CEACAM5: variants seen among roughly 807,000 people sequenced by gnomAD.
CEACAM5 encodes the protein cell adhesion molecule CEACAM5.
A neutral mutation model predicts 63.0 loss-of-function variants in CEACAM5; 52 were observed. The observed-to-expected ratio is 0.83, with a 90% confidence interval of 0.66 to 1.04. CEACAM5 has a LOEUF of 1.04. Ranked by LOEUF, CEACAM5 falls within the 50% of genes least tolerant of loss-of-function variation. The pLI is 0.00. For missense variants in CEACAM5, 790 were observed against 864.8 expected, an observed-to-expected ratio of 0.91 and a Z score of 1.08; for synonymous variants, 357 against 351.3, an observed-to-expected ratio of 1.02 and a Z score of -0.18.
Position 41,721,031 on chromosome 19 carries a change from G to A in CEACAM5, c.1881G>A (p.Trp627Ter). The A allele has an allele frequency of 1.2e-6, 2 of 1,614,086 alleles. No individual in the cohort carries two copies. Among genetic ancestry groups the A allele is most frequent in the South Asian group, 1.1e-5 (1 of 91,076 alleles). Residue 627 changes from tryptophan (W) to a stop codon, truncating the protein, a stop_gained, in exon 8 of 10, where the codon TGG (tryptophan) becomes TGA (stop). Transcript: ENST00000221992. LOFTEE classifies it high-confidence loss of function. Reference protein sequence around the residue: ...SASNPSPQYSWRINGIPQQHT... With the variant: ...SASNPSPQYS Reference sequence around the variant, plus strand: ...CTAACCCATCCCCGCAGTATTCTTGGCGTATCAATGGGATACCGCAGCAAC... The same window carrying A: ...CTAACCCATCCCCGCAGTATTCTTGACGTATCAATGGGATACCGCAGCAAC...
chr19:41,717,853 G>A (rs1317384510), intron 5 of CEACAM5, 120 bp downstream of exon 5: 3 of 1,323,208 alleles, frequency 2.3e-6, no homozygotes, highest in Non-Finnish European at 3.2e-6. Flanking sequence ...GGACATCCAG[G>A]CTGGCCCTAC....
chr19:41,717,774 C>A (rs1157492639), intron 5 of CEACAM5, 41 bp downstream of exon 5: 3 of 1,603,176 alleles, frequency 1.9e-6, no homozygotes, highest in Non-Finnish European at 2.6e-6. Flanking sequence ...GCTGCCAGCC[C>A]AAATCCACAT....
At chr19:41,725,621 CT>C (rs1328445496) in intron 8 of CEACAM5, among the ~76,000 whole-genome samples, 1 of 152,126 alleles carries the variant, frequency 6.6e-6, no homozygotes, top group Non-Finnish European at 1.5e-5. Flanking sequence ...AATCCTCTTG[CT>C]TGAGTCTCCC....
At chr19:41,714,945 C>A (rs2072495126) in intron 2 of CEACAM5, 26 bp from the exon 3 acceptor site, 1 of 1,613,686 alleles carries the variant, frequency 6.2e-7, no homozygotes, top group Admixed American at 1.7e-5. Context: ...CCACACAGGG[C>A]AATCTTCTCT....
In CEACAM5 at chr19:41,720,997, A is replaced by C. The variant is rs782290971; in HGVS notation, c.1847A>C (p.His616Pro). The change falls in exon 8 of 10, where the codon CAC (histidine) becomes CCC (proline). Residue 616 changes from histidine (H) to proline (P), a missense_variant. Physicochemically the swap from His to Pro is moderately conservative, Grantham distance 77. Transcript: ENST00000221992. The stretch of plus-strand genomic sequence containing the variant: ...GGAGCGAACCTCAACCTCTCCTGCC[A>C]CTCGGCCTCTAACCCATCCCCGCAG... ...LSGANLNLSCHSASNPSPQYS... is the reference protein window; with the variant it reads ...LSGANLNLSCPSASNPSPQYS... The C allele has an allele frequency of 6.2e-7, 1 of 1,613,588 alleles. No homozygotes were observed. The highest frequency in any genetic ancestry group is 8.5e-7 in the Non-Finnish European group (1 of 1,179,914).
At chr19:41,718,424 G>A (rs2072564064) in intron 6 of CEACAM5, 42 bp downstream of exon 6, 2 of 1,597,912 alleles carry the variant, frequency 1.3e-6, no homozygotes, top group Admixed American at 1.7e-5. Flanking sequence ...TTCTGGAGCG[G>A]AATCTGTCTG....
intron 9 of CEACAM5, among the ~76,000 whole-genome samples, chr19:41,727,876 T>G (rs896860581): frequency 3.3e-5 from 5 of 151,946 alleles, no homozygotes; most frequent in Non-Finnish European, 5.9e-5. Context: ...TATAATTCCA[T>G]CATCCTAATA....
chr19:41,715,624 CT>C, intron 3 of CEACAM5, 25 bp from the exon 4 acceptor site: 1 of 1,613,408 alleles, frequency 6.2e-7, no homozygotes, highest in Non-Finnish European at 8.5e-7. Context: ...ACAATATCAC[CT>C]GTGGCTTTAT....
chr19:41,720,798 C>G, intron 7 of CEACAM5, 124 bp from the exon 8 acceptor site: 1 of 1,312,290 alleles, frequency 7.6e-7, no homozygotes, highest in Middle Eastern at 2.8e-4. Context: ...CCGCACCCGG[C>G]CGATTTGGAC....
intron 2 of CEACAM5, among the ~76,000 whole-genome samples, chr19:41,711,721 C>T (rs1328029612): frequency 1.3e-5 from 2 of 152,164 alleles, no homozygotes; most frequent in Non-Finnish European, 2.9e-5. Context: ...TTCTGACTTT[C>T]TTCTATTCCT....
intron 8 of CEACAM5, among the ~76,000 whole-genome samples, chr19:41,722,219 C>T (rs2072632288): frequency 6.6e-6 from 1 of 151,682 alleles, no homozygotes; most frequent in South Asian, 2.1e-4. Context: ...AAAAAAATAG[C>T]TAGGCATGGT....
At chr19:41,712,380 C>G (rs2072450184) in intron 2 of CEACAM5, among the ~76,000 whole-genome samples, 1 of 152,214 alleles carries the variant, frequency 6.6e-6, no homozygotes, top group Admixed American at 6.5e-5. Flanking sequence ...TAGACTCTAC[C>G]CAGTTACAAA....
chr19:41,723,417 T>A (rs2072655385), intron 8 of CEACAM5, among the ~76,000 whole-genome samples: 1 of 152,198 alleles, frequency 6.6e-6, no homozygotes, highest in Non-Finnish European at 1.5e-5. Flanking sequence ...GTGTTAGTGA[T>A]GTTGAGCATA....
chr19:41,710,530 G>A (rs1459539023), intron 2 of CEACAM5, among the ~76,000 whole-genome samples: 1 of 152,194 alleles, frequency 6.6e-6, no homozygotes, highest in Non-Finnish European at 1.5e-5. Flanking sequence ...GGCTCCTGGA[G>A]CTGGATTCTG....
chr19:41,718,042 G>C, intron 5 of CEACAM5, 86 bp from the exon 6 acceptor site: 1 of 1,520,390 alleles, frequency 6.6e-7, no homozygotes, highest in African/African-American at 1.4e-5. Flanking sequence ...ACTTGGCTCA[G>C]GGGGACACTG....
Position 41,730,191 on chromosome 19 carries a change from C to G in CEACAM5, c.*1044C>G, listed in dbSNP as rs1401895405. Among the ~76,000 whole-genome samples the G allele has an allele frequency of 6.6e-6, 1 of 152,136 alleles. No individual in the cohort carries two copies. The highest frequency in any genetic ancestry group is 1.5e-5 in the Non-Finnish European group (1 of 68,024). On this transcript the variant is annotated 3_prime_UTR_variant, in exon 10 of 10. Coordinates refer to ENST00000221992, the MANE Select transcript of CEACAM5 (RefSeq NM_004363.6). ...ATCCCAGCACTTTGATCCGCCGAGG[C>G]GGGCGGATCACGAGGTCAGGAGATC...
chr19:41,725,675 T>A (rs1476162809), intron 8 of CEACAM5, among the ~76,000 whole-genome samples: 1 of 152,214 alleles, frequency 6.6e-6, no homozygotes, highest in Non-Finnish European at 1.5e-5. Context: ...ACCTCCATTT[T>A]CATTTCTGAT....
At position 41,715,821 on chromosome 19, in the gene CEACAM5, A is replaced by G. The variant is rs781788150; in HGVS notation, c.875A>G (p.Asn292Ser). The part of the protein sequence containing the change: ...QELFIPNITV[N>S]NSGSYTCQAH... Reference sequence around the variant, plus strand: ...CTCTTTATCCCCAACATCACTGTGAATAATAGTGGATCCTATACGTGCCAA... The same window carrying G: ...CTCTTTATCCCCAACATCACTGTGAGTAATAGTGGATCCTATACGTGCCAA... Residue 292 changes from asparagine to serine, a missense_variant, in exon 4 of 10, where the codon AAT (asparagine) becomes AGT (serine). Asn to Ser is a conservative substitution (Grantham distance 46). Transcript: ENST00000221992. 1.9e-6 allele frequency: 3 copies of G among 1,614,188 alleles called. No homozygotes were observed. The highest frequency in any genetic ancestry group is 1.7e-6 in the Non-Finnish European group (2 of 1,180,006).
In CEACAM5 at chr19:41,718,515, A is replaced by G. The variant is rs2072565398; in HGVS notation, c.1492+133A>G. 2.9e-5 allele frequency: 26 copies of G among 882,064 alleles called. No individual in the cohort carries two copies. The South Asian group carries it at 4.1e-4, about 14-fold the overall frequency. The allele number at this position is 882,064 out of a possible 1,614,324, so 54.6% of individuals were successfully genotyped here. A position where few individuals can be genotyped will look rare whatever the true frequency, so the allele number is the denominator to read the frequency against. On this transcript the variant is annotated intron_variant, in intron 6 of 9. Transcript: ENST00000221992. Reference sequence around the variant, plus strand: ...ACAAGCAATCCCAAATTCAATCCTGAGCACTCCCAATTTGTCTCTACAAAC... The same window carrying G: ...ACAAGCAATCCCAAATTCAATCCTGGGCACTCCCAATTTGTCTCTACAAAC...
Sources: allele counts gnomAD v4.1 joint callset (sites outside exome capture counted in the v4.1 genomes callset), GRCh38; gene constraint gnomAD v4.1.1; transcripts MANE v1.5; gene names NCBI Gene and HGNC (gene_info 2026-07-23, HGNC 2026-07-21).